The following NPR1 variants were observed in gnomAD, a reference collection of about 807,000 sequenced individuals.
The protein encoded by NPR1 is atrial natriuretic peptide receptor 1.
NPR1 carries 57 observed loss-of-function variants against 116.9 expected under a neutral mutation model. That is an observed-to-expected ratio of 0.49 (90% confidence interval 0.39 to 0.61). NPR1 has a LOEUF of 0.61. Among genes scored for constraint, NPR1 ranks in the 20% least tolerant of loss-of-function variants. The pLI is 0.00. For synonymous variants in NPR1, 555 were observed against 601.6 expected, an observed-to-expected ratio of 0.92 and a Z score of 1.13; for missense variants, 1,096 against 1,409.8, an observed-to-expected ratio of 0.78 and a Z score of 3.56.
At chr1:153,688,700 T>G in intron 15 of NPR1, 1 of 547,944 alleles carries the variant, frequency 1.8e-6, no homozygotes, top group Admixed American at 3.1e-5. Flanking sequence ...TCCTTCTAAC[T>G]CACTGGGTTC....
chr1:153,679,737 G>T lies in NPR1; in HGVS notation c.629G>T (p.Arg210Leu). ...GGGCTGTTCATGCGGGTCCGCGACCGCCTCAATATTACGGTGGACCACCTG... is the reference window on the plus strand; with the variant it reads ...GGGCTGTTCATGCGGGTCCGCGACCTCCTCAATATTACGGTGGACCACCTG... ...VEGLFMRVRD[R>L]LNITVDHLEF... The change falls in exon 1 of 22, where the codon CGC (arginine) becomes CTC (leucine). Residue 210 changes from arginine to leucine, a missense_variant. Coordinates refer to ENST00000368680, the MANE Select transcript of NPR1 (RefSeq NM_000906.4). The surrounding 1 kb of genome is among the most constrained non-coding windows in gnomAD (Gnocchi z 4.2). 1 of 1,600,820 alleles carries T rather than the reference G, an allele frequency of 6.2e-7. No homozygotes were observed. The highest frequency in any genetic ancestry group is 8.5e-7 in the Non-Finnish European group (1 of 1,176,482).
intron 20 of NPR1, among the ~76,000 whole-genome samples, chr1:153,691,630 G>T (rs955315165): frequency 6.6e-6 from 1 of 151,984 alleles, no homozygotes; most frequent in Non-Finnish European, 1.5e-5. Context: ...CTGGGCGCTG[G>T]GGGTGCTTGT....
At position 153,689,130 on chromosome 1, in the gene NPR1, A is replaced by G; in HGVS notation, c.2564+31A>G. 6.2e-7 allele frequency: 1 copy of G among 1,614,034 alleles called. No homozygotes were observed. The highest frequency in any genetic ancestry group is 8.5e-7 in the Non-Finnish European group (1 of 1,179,958). On this transcript the variant is annotated intron_variant, in intron 16 of 21. Coordinates refer to ENST00000368680, the MANE Select transcript of NPR1 (RefSeq NM_000906.4). This position sits in a 1 kb window ranked among gnomAD's most constrained non-coding sequence, Gnocchi z 5.1. Reference sequence around the variant, plus strand: ...TGCCTGAGTCTGGGGACCCCCCCCAACACAAAGCCCCTGTCCCGACCCCCA... The same window carrying G: ...TGCCTGAGTCTGGGGACCCCCCCCAGCACAAAGCCCCTGTCCCGACCCCCA...
chr1:153,679,201 C>G lies in NPR1; in HGVS notation c.93C>G (p.His31Gln), dbSNP rs562076362. 2 of 1,514,014 alleles carry G rather than the reference C, an allele frequency of 1.3e-6. No homozygotes were observed. The highest frequency in any genetic ancestry group is 2.9e-5 in the African/African-American group (2 of 69,378). 93.8% of individuals were successfully genotyped at this position (1,514,014 alleles called of 1,614,324 possible). Residue 31 changes from histidine to glutamine, a missense_variant, in exon 1 of 22, where the codon CAC (histidine) becomes CAG (glutamine). Transcript: ENST00000368680. This position sits in a 1 kb window ranked among gnomAD's most constrained non-coding sequence, Gnocchi z 4.2. ...PPLLLLLRGS[H>Q]AGNLTVAVVL... Reference sequence around the variant, plus strand: ...TGCTGCTGCTGCTCCGGGGCAGCCACGCGGGCAACCTGACGGTAGCCGTGG... The same window carrying G: ...TGCTGCTGCTGCTCCGGGGCAGCCAGGCGGGCAACCTGACGGTAGCCGTGG...
At position 153,687,041 on chromosome 1, in the gene NPR1, C is replaced by T. The variant is rs780302932; in HGVS notation, c.1889C>T (p.Thr630Ile). ...LQDILENESI[T>I]LDWMFRYSLT... is the part of the protein sequence containing the mutation. ...GACATTCTGGAGAATGAGAGCATCA[C>T]CCTGGACTGGATGTTCCGGTACTCA... Residue 630 changes from threonine (T) to isoleucine (I), a missense_variant, in exon 12 of 22, where the codon ACC becomes ATC. By Grantham distance (89) the Thr-to-Ile change is moderately conservative. Transcript: ENST00000368680. The T allele has an allele frequency of 6.2e-7, 1 of 1,614,118 alleles. No homozygotes were observed. The highest frequency in any genetic ancestry group is 1.1e-5 in the South Asian group (1 of 91,082).
chr1:153,691,009 A>T (rs1446504494), intron 20 of NPR1, among the ~76,000 whole-genome samples: 1 of 150,714 alleles, frequency 6.6e-6, no homozygotes, highest in Non-Finnish European at 1.5e-5. Context: ...AGATGGCTTC[A>T]GAGCCAGCAT....
chr1:153,685,039 T>C lies in NPR1; in HGVS notation c.1560T>C (p.Leu520=), dbSNP rs781070240. ...GGGAGGACGTTGAGCCCAGTAGCCT[T>C]GAGAGGCACCTGCGGAGTGCAGGCA... The part of the protein sequence containing the change: ...VRWEDVEPSS[L]ERHLRSAGSR... The change falls in exon 8 of 22, where the codon CTT becomes CTC. Residue 520 remains leucine (L), a synonymous_variant. Transcript: ENST00000368680. The C allele has an allele frequency of 3.1e-6, 5 of 1,614,022 alleles. No homozygotes were observed. The highest frequency in any genetic ancestry group is 4.2e-6 in the Non-Finnish European group (5 of 1,179,978).
At chr1:153,680,478 T>A (rs746786173) in intron 1 of NPR1, 23 bp from the exon 2 acceptor site, 1 of 1,612,476 alleles carries the variant, frequency 6.2e-7, no homozygotes, top group African/African-American at 1.3e-5. Flanking sequence ...GGCTTCTCTC[T>A]CTGACTCTCC....
Position 153,689,924 on chromosome 1 carries a change from T to C in NPR1, c.2876T>C (p.Phe959Ser). 6.4e-7 allele frequency: 1 copy of C among 1,555,554 alleles called. No homozygotes were observed. Among genetic ancestry groups the C allele is most frequent in the Non-Finnish European group, 8.7e-7 (1 of 1,148,194 alleles). ...ALALLDAVRS[F>S]RIRHRPQEQL... Reference sequence around the variant, plus strand: ...GCACTGCTGGATGCTGTGCGCTCCTTCCGAATCCGCCACCGGCCCCAGGAG... The same window carrying C: ...GCACTGCTGGATGCTGTGCGCTCCTCCCGAATCCGCCACCGGCCCCAGGAG... The change falls in exon 19 of 22, where the codon TTC becomes TCC. Residue 959 changes from phenylalanine to serine, a missense_variant. Phe to Ser is a radical substitution (Grantham distance 155). Transcript: ENST00000368680. The surrounding 1 kb of genome is among the most constrained non-coding windows in gnomAD (Gnocchi z 5.1).
Position 153,689,227 on chromosome 1 carries a change from G to A in NPR1, c.2604G>A (p.Gln868=), listed in dbSNP as rs1353302867. Residue 868 remains glutamine (Q), a synonymous_variant, in exon 17 of 22, where the codon CAG becomes CAA. Transcript: ENST00000368680. This position sits in a 1 kb window ranked among gnomAD's most constrained non-coding sequence, Gnocchi z 5.1. ...AGCTGAAGCGTGGGGAGACGGTGCA[G>A]GCCGAAGCCTTTGACAGTGTTACCA... is the stretch of plus-strand genomic sequence containing the variant. ...AEQLKRGETV[Q]AEAFDSVTIY... 9 of 1,614,208 alleles carry A rather than the reference G, an allele frequency of 5.6e-6. No homozygotes were observed. The highest frequency in any genetic ancestry group is 7.6e-6 in the Non-Finnish European group (9 of 1,180,042).
chr1:153,688,351 C>T (rs61758570), intron 15 of NPR1, 130 bp downstream of exon 15: 1 of 915,206 alleles, frequency 1.1e-6, no homozygotes, highest in Non-Finnish European at 1.6e-6. Context: ...ACATAGTCAG[C>T]TCCAGCTCAG....
chr1:153,688,932 A>G, intron 15 of NPR1, 21 bp from the exon 16 acceptor site: 1 of 1,613,416 alleles, frequency 6.2e-7, no homozygotes, highest in Non-Finnish European at 8.5e-7. Flanking sequence ...TACCACCCCC[A>G]CCGCCACCCT....
rs773966240 is a variant in NPR1 at position 153,693,086 on chromosome 1, T to G, written c.3032-20T>G. The G allele has an allele frequency of 2.5e-6, 4 of 1,597,968 alleles. No homozygotes were observed. The South Asian group carries it at 4.5e-5, about 18-fold the overall frequency. ...CCTCTCTCACATTGCTCACCTTCCC[T>G]TCTCCCCTGTCCTACCCAGCCCTGA... On this transcript the variant is annotated intron_variant, in intron 20 of 21. Transcript: ENST00000368680.
At chr1:153,693,007 C>T in intron 20 of NPR1, 99 bp from the exon 21 acceptor site, 1 of 957,348 alleles carries the variant, frequency 1.0e-6, no homozygotes, top group Admixed American at 2.2e-5. Flanking sequence ...GGGTACCTGT[C>T]CACCTGTCCA....
chr1:153,679,424 TG>T lies in NPR1; in HGVS notation c.319del (p.Glu107SerfsTer31). ...AAPLAAVDLK[W>X]EHNPAVFLGP... ...GCCCCTGGCCGCGGTGGACCTCAAG[TG>T]GGAGCACAACCCCGCTGTGTTCCTG... is the stretch of plus-strand genomic sequence containing the variant. On this transcript the variant is annotated frameshift_variant, in exon 1 of 22. Transcript: ENST00000368680. LOFTEE classifies it high-confidence loss of function. This position sits in a 1 kb window ranked among gnomAD's most constrained non-coding sequence, Gnocchi z 4.2. 6.5e-7 allele frequency: 1 copy of T among 1,543,124 alleles called. No homozygotes were observed.
At chr1:153,693,085 C>A in intron 20 of NPR1, 21 bp from the exon 21 acceptor site, 1 of 1,597,156 alleles carries the variant, frequency 6.3e-7, no homozygotes, top group Non-Finnish European at 8.6e-7. Flanking sequence ...CTCACCTTCC[C>A]TTCTCCCCTG....
At chr1:153,685,945 G>T (rs775722315) in intron 9 of NPR1, 65 bp downstream of exon 9, 5 of 1,512,340 alleles carry the variant, frequency 3.3e-6, no homozygotes, top group Non-Finnish European at 4.6e-6. Flanking sequence ...ATGGAGGACT[G>T]GTGGGGGGTT....
chr1:153,689,448 T>C lies in NPR1; in HGVS notation c.2689-5T>C. ...CTGTCTCTCTTAGCTTCTCTTCCCT[T>C]CCAGGTGGTGACCCTGCTCAATGAC... On this transcript the variant is annotated splice_polypyrimidine_tract_variant and splice_region_variant and intron_variant, in intron 17 of 21. Transcript: ENST00000368680. The surrounding 1 kb of genome is among the most constrained non-coding windows in gnomAD (Gnocchi z 5.1). 6.2e-7 allele frequency: 1 copy of C among 1,614,034 alleles called. No individual in the cohort carries two copies. Among genetic ancestry groups the C allele is most frequent in the Non-Finnish European group, 8.5e-7 (1 of 1,179,986 alleles).
chr1:153,680,148 C>G (rs1320480029), intron 1 of NPR1, among the ~76,000 whole-genome samples: 1 of 150,016 alleles, frequency 6.7e-6, no homozygotes, highest in Non-Finnish European at 1.5e-5. Flanking sequence ...TTCTTTCATC[C>G]TCTCCTCTCA....
Sources: allele counts gnomAD v4.1 joint callset (sites outside exome capture counted in the v4.1 genomes callset), GRCh38; gene constraint gnomAD v4.1.1; non-coding constraint Gnocchi (gnomAD v3.1); transcripts MANE v1.5; gene names NCBI Gene and HGNC (gene_info 2026-07-23, HGNC 2026-07-21).